The following MSRA variants were observed in gnomAD, a reference collection of about 807,000 sequenced individuals.
MSRA encodes the protein methionine sulfoxide reductase A.
A neutral mutation model predicts 31.3 loss-of-function variants in MSRA; 54 were observed. That is an observed-to-expected ratio of 1.73 (90% CI 1.39 to 2.17). The LOEUF is 2.17. Among genes scored for constraint, MSRA ranks in the 30% most tolerant of loss-of-function variants. MSRA has a pLI of 0.00. For synonymous variants in MSRA, 169 were observed against 116.5 expected, an observed-to-expected ratio of 1.45 and a Z score of -2.90; for missense variants, 507 against 300.9, an observed-to-expected ratio of 1.69 and a Z score of -5.07.
rs563423624 is a variant in MSRA at position 10,176,359 on chromosome 8, C to T, written c.143-31474C>T. On this transcript the variant is annotated intron_variant, in intron 1 of 5. Coordinates refer to ENST00000317173, the MANE Select transcript of MSRA (RefSeq NM_012331.5). ...GGCAGTCCGTGCAGGCAGGGTGAGACGAAGAAGAATAGGGCTTAGTTCACA... is the reference window on the plus strand; with the variant it reads ...GGCAGTCCGTGCAGGCAGGGTGAGATGAAGAAGAATAGGGCTTAGTTCACA... Among the ~76,000 whole-genome samples, 8 of 152,234 alleles carry T rather than the reference C, an allele frequency of 5.3e-5. No individual in the cohort carries two copies. The South Asian group carries it at 8.3e-4, about 16-fold the overall frequency.
At position 10,218,265 on chromosome 8, in the gene MSRA, C is replaced by G. The variant is rs990290465; in HGVS notation, c.211+10364C>G. ...AGGTTCAAGCGATTCTTTTCCTCAG[C>G]CTCCTGAGTAGCTGGGATTATAGGC... On this transcript the variant is annotated intron_variant, in intron 2 of 5. Coordinates refer to ENST00000317173, the MANE Select transcript of MSRA (RefSeq NM_012331.5). Among the ~76,000 whole-genome samples the G allele has an allele frequency of 5.9e-5, 9 of 151,974 alleles. 1 individual carries two copies. Among genetic ancestry groups the G allele is most frequent in the African/African-American group, 2.2e-4 (9 of 41,348 alleles).
intron 5 of MSRA, among the ~76,000 whole-genome samples, chr8:10,405,039 C>A (rs750895923): frequency 5.9e-5 from 9 of 152,214 alleles, no homozygotes; most frequent in Non-Finnish European, 1.2e-4. Context: ...TCATCTGTTT[C>A]CCGGAGTGTG....
intron 1 of MSRA, among the ~76,000 whole-genome samples, chr8:10,191,607 C>G (rs544050802): frequency 6.6e-6 from 1 of 152,258 alleles, no homozygotes; most frequent in East Asian, 1.9e-4. Context: ...TTTAGCAATG[C>G]CAGCACACGA....
chr8:10,393,751 G>A (rs1448057769), intron 5 of MSRA, among the ~76,000 whole-genome samples: 1 of 152,234 alleles, frequency 6.6e-6, no homozygotes, highest in Non-Finnish European at 1.5e-5. Flanking sequence ...GCACGTGGTT[G>A]TTATACAGGT....
chr8:10,256,423 C>A (rs1361080817), intron 3 of MSRA, among the ~76,000 whole-genome samples: 1 of 152,056 alleles, frequency 6.6e-6, no homozygotes, highest in Non-Finnish European at 1.5e-5. Flanking sequence ...GATGAAGCTG[C>A]TGTCAACATA....
At chr8:10,333,196 CCTA>C (rs1371885411) in intron 5 of MSRA, among the ~76,000 whole-genome samples, 1 of 152,222 alleles carries the variant, frequency 6.6e-6, no homozygotes, top group African/African-American at 2.4e-5. Flanking sequence ...GGGCCACACT[CCTA>C]CTCATCTTTC....
intron 5 of MSRA, among the ~76,000 whole-genome samples, chr8:10,414,496 C>G (rs1310740119): frequency 1.3e-5 from 2 of 152,200 alleles, no homozygotes; most frequent in Non-Finnish European, 2.9e-5. Flanking sequence ...CTGAGACACC[C>G]CCAGCCCTGG....
chr8:10,292,448 TG>T (rs1000176410), intron 3 of MSRA, among the ~76,000 whole-genome samples: 1 of 152,194 alleles, frequency 6.6e-6, no homozygotes, highest in African/African-American at 2.4e-5. Context: ...TAGAATAAGA[TG>T]GGGCGGCAGG....
intron 5 of MSRA, among the ~76,000 whole-genome samples, chr8:10,415,484 T>G (rs1054083230): frequency 6.6e-6 from 1 of 152,112 alleles, no homozygotes; most frequent in African/African-American, 2.4e-5. Flanking sequence ...CTTGTACCAC[T>G]GTGATTGCAG....
At chr8:10,348,357 C>CTTTTTTTTTTTT (rs34083972) in intron 5 of MSRA, among the ~76,000 whole-genome samples, 3 of 64,240 alleles carry the variant, frequency 4.7e-5, no homozygotes, top group African/African-American at 6.6e-5. Context: ...AAATTATTGC[C>CTTTTTTTTTTTT]TTTTTTTTTT....
intron 1 of MSRA, among the ~76,000 whole-genome samples, chr8:10,161,622 T>C (rs758628088): frequency 4.6e-5 from 7 of 152,206 alleles, no homozygotes; most frequent in Non-Finnish European, 8.8e-5. Context: ...CTGAAAGTCC[T>C]TTTTGGTAAG....
intron 4 of MSRA, among the ~76,000 whole-genome samples, chr8:10,307,653 G>A (rs1382462811): frequency 6.6e-6 from 1 of 152,130 alleles, no homozygotes; most frequent in Non-Finnish European, 1.5e-5. Context: ...CATTCTCCAG[G>A]CTCTAGATCT....
chr8:10,071,458 C>CTT (rs77512999), intron 1 of MSRA, among the ~76,000 whole-genome samples: 7 of 129,266 alleles, frequency 5.4e-5, no homozygotes, highest in African/African-American at 8.6e-5. Flanking sequence ...TTTTAATTTT[C>CTT]TTTTTTTTTT....
intron 5 of MSRA, among the ~76,000 whole-genome samples, chr8:10,329,278 C>G (rs1432896714): frequency 6.6e-6 from 1 of 152,222 alleles, no homozygotes; most frequent in Non-Finnish European, 1.5e-5. Flanking sequence ...AATCAGGGTA[C>G]TAGCTGGGCT....
intron 3 of MSRA, among the ~76,000 whole-genome samples, chr8:10,248,624 C>T (rs1373386587): frequency 6.6e-6 from 1 of 152,160 alleles, no homozygotes; most frequent in African/African-American, 2.4e-5. Flanking sequence ...GGTGTGGATT[C>T]ATATCCGAAT....
chr8:10,338,688 G>T (rs1803218172), intron 5 of MSRA, among the ~76,000 whole-genome samples: 3 of 152,200 alleles, frequency 2.0e-5, no homozygotes, highest in Admixed American at 1.3e-4. Flanking sequence ...TCAGGATTGA[G>T]AAAACTCTGT....
Position 10,242,303 on chromosome 8 carries a change from A to AT in MSRA, c.212-2798dup, listed in dbSNP as rs1193224557. On this transcript the variant is annotated intron_variant, in intron 2 of 5. Coordinates refer to ENST00000317173, the MANE Select transcript of MSRA (RefSeq NM_012331.5). ...AAAAAAGAACTTAAAGACGTATCAAATTTAAAAAAATGAGCAAGACTATAA... is the reference window on the plus strand; with the variant it reads ...AAAAAAGAACTTAAAGACGTATCAAATTTTAAAAAAATGAGCAAGACTATAA... Among the ~76,000 whole-genome samples the AT allele has an allele frequency of 4.6e-5, 7 of 152,064 alleles. No individual in the cohort carries two copies. The East Asian group carries it at 9.6e-4, about 21-fold the overall frequency.
rs114006995 is a variant in MSRA, at chr8:10,301,938, T to C, written c.436+300T>C. Among the ~76,000 whole-genome samples, 989 of 152,334 alleles carry C rather than the reference T, an allele frequency of 6.5e-3. 12 individuals carry two copies. Among genetic ancestry groups the C allele is most frequent in the African/African-American group, 0.023 (956 of 41,574 alleles). On this transcript the variant is annotated intron_variant, in intron 4 of 5. Coordinates refer to ENST00000317173, the MANE Select transcript of MSRA (RefSeq NM_012331.5). Reference sequence around the variant, plus strand: ...CTTTGATTATTGCATTATTCCTCCTTAATGCAGTCTTTTGTCTACAAAATT... The same window carrying C: ...CTTTGATTATTGCATTATTCCTCCTCAATGCAGTCTTTTGTCTACAAAATT...
intron 3 of MSRA, among the ~76,000 whole-genome samples, chr8:10,252,787 C>T (rs1351119547): frequency 1.3e-5 from 2 of 152,306 alleles, no homozygotes; most frequent in Non-Finnish European, 2.9e-5. Flanking sequence ...AGGGTGATGG[C>T]ATTGCAATAA....
Sources: allele counts gnomAD v4.1 joint callset (sites outside exome capture counted in the v4.1 genomes callset), GRCh38; gene constraint gnomAD v4.1.1; transcripts MANE v1.5; gene names NCBI Gene and HGNC (gene_info 2026-07-23, HGNC 2026-07-21).